The following SH3KBP1 variants were observed in gnomAD, a reference collection of about 807,000 sequenced individuals.
The protein encoded by SH3KBP1 is SH3 domain containing kinase binding protein 1.
Under a neutral mutation model 50.1 loss-of-function variants are expected in SH3KBP1, and 8 were observed. That is an observed-to-expected ratio of 0.16 (90% CI 0.09 to 0.29). The LOEUF is 0.29. Ranked by LOEUF, SH3KBP1 falls within the 10% of genes least tolerant of loss-of-function variation. SH3KBP1 has a pLI of 1.00. For missense variants in SH3KBP1, 377 were observed against 535.2 expected, an observed-to-expected ratio of 0.70 and a Z score of 2.92; for synonymous variants, 227 against 218.6, an observed-to-expected ratio of 1.04 and a Z score of -0.34.
At chrX:19,583,964 T>C (rs1483868696) in intron 12 of SH3KBP1, among the ~76,000 whole-genome samples, 1 of 96,286 alleles carries the variant, frequency 1.0e-5, no homozygotes, top group Admixed American at 1.3e-4. Flanking sequence ...ATTGTTAATA[T>C]ATATTAATGA....
At chrX:19,722,067 C>T (rs1332292477) in intron 3 of SH3KBP1, among the ~76,000 whole-genome samples, 2 of 112,033 alleles carry the variant, frequency 1.8e-5, no homozygotes, top group Non-Finnish European at 3.8e-5. Context: ...TTTAACAAAG[C>T]AGTAAACATA....
At chrX:19,668,375 C>T (rs867358638) in intron 6 of SH3KBP1, among the ~76,000 whole-genome samples, 48 of 103,548 alleles carry the variant, frequency 4.6e-4, no homozygotes, top group Non-Finnish European at 7.9e-4. Flanking sequence ...GGTGTGGTGG[C>T]GGGCGCCTAT....
At chrX:19,713,039 G>A (rs1569435776) in intron 3 of SH3KBP1, among the ~76,000 whole-genome samples, 1 of 109,678 alleles carries the variant, frequency 9.1e-6, no homozygotes, top group Non-Finnish European at 1.9e-5. Flanking sequence ...TCTGGCCAAT[G>A]TGGTGAAACC....
chrX:19,736,352 G>C (rs2064575560), intron 3 of SH3KBP1, among the ~76,000 whole-genome samples: 1 of 112,167 alleles, frequency 8.9e-6, no homozygotes, highest in South Asian at 3.7e-4. Flanking sequence ...GAAACACAGG[G>C]GGAATCTGCA....
chrX:19,884,932 A>C (rs1330996723), intron 1 of SH3KBP1, among the ~76,000 whole-genome samples: 1 of 111,653 alleles, frequency 9.0e-6, no homozygotes, highest in Non-Finnish European at 1.9e-5. Context: ...ATTTTTCAGA[A>C]AACGAAATAT....
At chrX:19,769,556 C>T (rs1569463891) in intron 2 of SH3KBP1, among the ~76,000 whole-genome samples, 2 of 111,171 alleles carry the variant, frequency 1.8e-5, no homozygotes. Flanking sequence ...ATATAACATA[C>T]TCAAAATGCA....
At chrX:19,807,533 C>A (rs1466949644) in intron 2 of SH3KBP1, among the ~76,000 whole-genome samples, 1 of 110,982 alleles carries the variant, frequency 9.0e-6, no homozygotes, top group African/African-American at 3.3e-5. Flanking sequence ...AGCCCACACA[C>A]TCCACCAGCC....
At chrX:19,607,642 C>T (rs1461154832) in intron 9 of SH3KBP1, among the ~76,000 whole-genome samples, 4 of 111,708 alleles carry the variant, frequency 3.6e-5, no homozygotes, top group African/African-American at 9.8e-5. Flanking sequence ...AAAAGAGCAC[C>T]CAAGGTTCTC....
intron 5 of SH3KBP1, among the ~76,000 whole-genome samples, chrX:19,688,559 A>C (rs934774971): frequency 9.0e-6 from 1 of 110,893 alleles, no homozygotes; most frequent in Non-Finnish European, 1.9e-5. Flanking sequence ...ATGAGCAACT[A>C]TACAGAATAC....
chrX:19,676,221 A>G (rs2062923818), intron 6 of SH3KBP1, among the ~76,000 whole-genome samples: 1 of 111,466 alleles, frequency 9.0e-6, no homozygotes, highest in Non-Finnish European at 1.9e-5. Context: ...GCTTATTTCT[A>G]GTCTTCAAAG....
At chrX:19,619,367 T>TCG (rs887637061) in intron 8 of SH3KBP1, among the ~76,000 whole-genome samples, 26 of 112,739 alleles carry the variant, frequency 2.3e-4, no homozygotes, top group African/African-American at 8.0e-4. Context: ...CCCAATGTCC[T>TCG]CGTAAGATGG....
chrX:19,588,300 A>AG, intron 12 of SH3KBP1: 1 of 1,046,869 alleles, frequency 9.6e-7, no homozygotes, highest in Non-Finnish European at 1.2e-6. Context: ...GGGGACAAAG[A>AG]GGGACACGCC....
chrX:19,609,834 T>C (rs777512163), intron 8 of SH3KBP1, among the ~76,000 whole-genome samples: 8 of 112,429 alleles, frequency 7.1e-5, no homozygotes, highest in Non-Finnish European at 1.5e-4. Flanking sequence ...AGACTCTTTC[T>C]AGCCCTGAGA....
In SH3KBP1 at chrX:19,788,037, C is replaced by T. The variant is rs1289967136; in HGVS notation, c.163-41596G>A. On this transcript the variant is annotated intron_variant, in intron 2 of 17. Coordinates refer to ENST00000397821, the MANE Select transcript of SH3KBP1 (RefSeq NM_031892.3). The stretch of plus-strand genomic sequence containing the variant: ...ATATGACGTTATTTAGACATAGGGT[C>T]TTTGCAGATGATCAAGTTAAAATTA... 2.7e-5 allele frequency among the ~76,000 whole-genome samples: 3 copies of T among 111,072 alleles called. No homozygotes were observed. In the East Asian group the frequency reaches 8.5e-4, roughly 31 times the overall value.
At chrX:19,570,513 A>C (rs2065976022) in intron 12 of SH3KBP1, among the ~76,000 whole-genome samples, 1 of 111,397 alleles carries the variant, frequency 9.0e-6, no homozygotes, top group Non-Finnish European at 1.9e-5. Context: ...CGGATACTAC[A>C]GGGCTTGTTT....
intron 1 of SH3KBP1, among the ~76,000 whole-genome samples, chrX:19,837,018 C>T (rs1048860941): frequency 8.9e-6 from 1 of 112,195 alleles, no homozygotes; most frequent in Non-Finnish European, 1.9e-5. Flanking sequence ...CCCAGCCATA[C>T]TGAACTGAGT....
At chrX:19,870,488 A>G (rs756345597) in intron 1 of SH3KBP1, among the ~76,000 whole-genome samples, 1 of 111,448 alleles carries the variant, frequency 9.0e-6, no homozygotes, top group Non-Finnish European at 1.9e-5. Context: ...GACTACAGGC[A>G]TATGCCGCCA....
At position 19,841,830 on chromosome X, in the gene SH3KBP1, T is replaced by G. The variant is rs184155997; in HGVS notation, c.5-5548A>C. ...TACGTTCTCCTAAATTATGGTCCAC[T>G]GGAGAGAAGGAAGGATTTAAAAGAG... On this transcript the variant is annotated intron_variant, in intron 1 of 17. Coordinates refer to ENST00000397821, the MANE Select transcript of SH3KBP1 (RefSeq NM_031892.3). Among the ~76,000 whole-genome samples the G allele has an allele frequency of 8.0e-3, 776 of 96,637 alleles. 11 individuals are homozygous for G. The highest frequency in any genetic ancestry group is 0.029 in the African/African-American group (741 of 25,133). 83.9% of individuals were successfully genotyped at this position (96,637 alleles called of 115,157 possible). A position where few individuals can be genotyped will look rare whatever the true frequency, so the allele number is the denominator to read the frequency against.
chrX:19,559,402 C>T (rs1602468796), intron 13 of SH3KBP1, among the ~76,000 whole-genome samples: 1 of 102,321 alleles, frequency 9.8e-6, no homozygotes, highest in Non-Finnish European at 2.0e-5. Flanking sequence ...TCTTGGCTCA[C>T]TGCAACCTCC....
Sources: gnomAD v4.1 joint callset for allele counts (sites outside exome capture counted in the v4.1 genomes callset) on GRCh38, gnomAD v4.1.1 for gene constraint, MANE v1.5 for transcripts, NCBI Gene and HGNC (gene_info 2026-07-23, HGNC 2026-07-21) for gene names.